Variants in ZFHX4 observed in about 807,000 individuals in gnomAD.
ZFHX4 encodes zinc finger homeobox 4.
Under a neutral mutation model 267.6 loss-of-function variants are expected in ZFHX4, and 56 were observed. That is an observed-to-expected ratio of 0.21 (90% confidence interval 0.17 to 0.26). ZFHX4 has a LOEUF of 0.26. ZFHX4 is among the 10% of genes least tolerant of loss of function. The probability of loss-of-function intolerance (pLI) is 1.00; values close to 1 mark genes in which losing one functional copy is unlikely to be tolerated. For missense variants in ZFHX4, 4,332 were observed against 4,420.0 expected (o/e 0.98, Z 0.56); for synonymous variants, 1,778 against 1,665.6 (o/e 1.07, Z -1.64).
At position 76,705,655 on chromosome 8, in the gene ZFHX4, T is replaced by G; in HGVS notation, c.1567T>G (p.Ser523Ala). ...SVLKFIEKGTSSSSATVSDDT... is the reference protein window; with the variant it reads ...SVLKFIEKGTASSSATVSDDT... ...GCTAAAATTTATTGAAAAGGGTACC[T>G]CGTCCTCCTCGGCGACTGTTTCTGA... The change falls in exon 2 of 11, where the codon TCG becomes GCG. Residue 523 changes from serine to alanine, a missense_variant. Physicochemically the swap from Ser to Ala is moderately conservative, Grantham distance 99. Transcript: ENST00000651372. 6.2e-7 allele frequency: 1 copy of G among 1,613,976 alleles called. No individual in the cohort carries two copies. Among genetic ancestry groups the G allele is most frequent in the South Asian group, 1.1e-5 (1 of 91,086 alleles).
chr8:76,809,872 C>T (rs536546585), intron 4 of ZFHX4, among the ~76,000 whole-genome samples: 9 of 152,060 alleles, frequency 5.9e-5, no homozygotes, highest in Non-Finnish European at 8.8e-5. Flanking sequence ...TACGGTCTTA[C>T]GTTGATTGAT....
chr8:76,712,143 G>T (rs1023959647), intron 3 of ZFHX4, among the ~76,000 whole-genome samples: 23 of 152,188 alleles, frequency 1.5e-4, no homozygotes, highest in African/African-American at 5.3e-4. Flanking sequence ...TGAACAAATT[G>T]CCTGTCTCCA....
intron 3 of ZFHX4, among the ~76,000 whole-genome samples, chr8:76,733,007 C>T (rs1809063399): frequency 6.6e-6 from 1 of 152,166 alleles, no homozygotes; most frequent in Non-Finnish European, 1.5e-5. Flanking sequence ...AGAGACTCAT[C>T]CAGCCTGTGG....
At chr8:76,777,774 C>T (rs532507972) in intron 3 of ZFHX4, among the ~76,000 whole-genome samples, 1 of 151,764 alleles carries the variant, frequency 6.6e-6, no homozygotes, top group South Asian at 2.1e-4. Flanking sequence ...TTCATCTTAA[C>T]TATGTTTAGC....
At chr8:76,727,399 A>G (rs753755816) in intron 3 of ZFHX4, among the ~76,000 whole-genome samples, 4 of 152,208 alleles carry the variant, frequency 2.6e-5, no homozygotes, top group Non-Finnish European at 4.4e-5. Context: ...ACATAATAAT[A>G]TAGATTTGCA....
At chr8:76,732,814 G>A (rs1366165841) in intron 3 of ZFHX4, among the ~76,000 whole-genome samples, 1 of 152,162 alleles carries the variant, frequency 6.6e-6, no homozygotes, top group East Asian at 1.9e-4. Flanking sequence ...TAATAATGGA[G>A]CTGTCATTTT....
chr8:76,833,494 C>A (rs1811992114), intron 5 of ZFHX4, 88 bp downstream of exon 5: 3 of 1,027,592 alleles, frequency 2.9e-6, no homozygotes. Flanking sequence ...TAAACATTCT[C>A]TGGAACTTCT....
At chr8:76,709,006 A>C (rs996242515) in intron 3 of ZFHX4, among the ~76,000 whole-genome samples, 26 of 152,192 alleles carry the variant, frequency 1.7e-4, no homozygotes, top group Non-Finnish European at 2.6e-4. Context: ...CCATTTTGCA[A>C]GTGTTGTCTA....
At chr8:76,777,468 A>T (rs1341423967) in intron 3 of ZFHX4, among the ~76,000 whole-genome samples, 2 of 152,206 alleles carry the variant, frequency 1.3e-5, no homozygotes, top group Non-Finnish European at 2.9e-5. Flanking sequence ...CTTCAAATTA[A>T]GTTACTTAAC....
intron 4 of ZFHX4, 92 bp downstream of exon 4, chr8:76,778,531 A>C: frequency 1.9e-5 from 20 of 1,036,974 alleles, no homozygotes; most frequent in Middle Eastern, 3.1e-4. Flanking sequence ...ACACGCCTCA[A>C]ACTCTCCAAC....
chr8:76,814,581 T>C (rs929451736), intron 4 of ZFHX4, among the ~76,000 whole-genome samples: 7 of 152,170 alleles, frequency 4.6e-5, no homozygotes. Flanking sequence ...TCCTTAAGAA[T>C]GCTGAAATTA....
Position 76,863,428 on chromosome 8 carries a change from C to T in ZFHX4, c.9714C>T (p.Val3238=), listed in dbSNP as rs370139182. The part of the protein sequence containing the change: ...VLGKVVGETH[V]DPIQLQALQN... Reference sequence around the variant, plus strand: ...GCAAAGTTGTAGGTGAAACACATGTCGATCCTATTCAGTTGCAGGCATTAC... The same window carrying T: ...GCAAAGTTGTAGGTGAAACACATGTTGATCCTATTCAGTTGCAGGCATTAC... Residue 3238 remains valine, a synonymous_variant, in exon 11 of 11, where the codon GTC becomes GTT. Coordinates refer to ENST00000651372, the MANE Select transcript of ZFHX4 (RefSeq NM_024721.5). 21 of 1,613,942 alleles carry T rather than the reference C, an allele frequency of 1.3e-5. No individual in the cohort carries two copies. The highest frequency in any genetic ancestry group is 2.2e-5 in the East Asian group (1 of 44,880).
intron 4 of ZFHX4, among the ~76,000 whole-genome samples, chr8:76,796,184 A>G (rs1043575928): frequency 2.0e-5 from 3 of 151,392 alleles, no homozygotes; most frequent in African/African-American, 2.5e-5. Context: ...TTGGGAAATA[A>G]TGAAAATGAT....
Position 76,704,772 on chromosome 8 carries a change from T to G in ZFHX4, c.684T>G (p.Arg228=), listed in dbSNP as rs746982156. 1 of 1,614,052 alleles carries G rather than the reference T, an allele frequency of 6.2e-7. No individual in the cohort carries two copies. The highest frequency in any genetic ancestry group is 1.7e-5 in the Admixed American group (1 of 60,026). Residue 228 remains arginine (R), a synonymous_variant, in exon 2 of 11, where the codon CGT becomes CGG. Coordinates refer to ENST00000651372, the MANE Select transcript of ZFHX4 (RefSeq NM_024721.5). ...TTGGTCCTGTGTTGCACAGTTTCCG[T>G]GTCTATGATCTCCGACACAAGAGAG... is the stretch of plus-strand genomic sequence containing the variant. ...AGVGPVLHSF[R]VYDLRHKREK... is the part of the protein sequence containing the mutation.
intron 3 of ZFHX4, among the ~76,000 whole-genome samples, chr8:76,717,186 AATT>A (rs891989898): frequency 1.3e-5 from 2 of 152,136 alleles, no homozygotes; most frequent in East Asian, 1.9e-4. Flanking sequence ...TCTTGTTTTG[AATT>A]ATTATTATTA....
chr8:76,700,893 A>C (rs1808084297), intron 1 of ZFHX4, among the ~76,000 whole-genome samples: 1 of 152,180 alleles, frequency 6.6e-6, no homozygotes, highest in Non-Finnish European at 1.5e-5. Context: ...ATCACCTTAA[A>C]TGGTGAAGGA....
intron 4 of ZFHX4, among the ~76,000 whole-genome samples, chr8:76,802,966 A>G (rs1309955643): frequency 6.6e-6 from 1 of 152,198 alleles, no homozygotes; most frequent in Admixed American, 6.6e-5. Flanking sequence ...GTACTTATTT[A>G]GACTTGAAGT....
intron 4 of ZFHX4, among the ~76,000 whole-genome samples, chr8:76,817,291 T>A (rs1359068596): frequency 4.6e-5 from 7 of 152,350 alleles, no homozygotes; most frequent in African/African-American, 1.7e-4. Flanking sequence ...TAAGATTTTT[T>A]TCTTCTGAGC....
intron 3 of ZFHX4, among the ~76,000 whole-genome samples, chr8:76,734,528 A>T (rs1210378776): frequency 6.6e-6 from 1 of 152,128 alleles, no homozygotes; most frequent in Non-Finnish European, 1.5e-5. Flanking sequence ...TTAGAATGAA[A>T]ATTAATTATA....
Sources: gnomAD v4.1 joint callset for allele counts (sites outside exome capture counted in the v4.1 genomes callset) on GRCh38, gnomAD v4.1.1 for gene constraint, MANE v1.5 for transcripts, NCBI Gene and HGNC (gene_info 2026-07-23, HGNC 2026-07-21) for gene names.